Variants in KIAA1328 observed in about 807,000 individuals in gnomAD.
KIAA1328 encodes KIAA1328.
KIAA1328 carries 52 observed loss-of-function variants against 68.1 expected under a neutral mutation model. The ratio of observed to expected loss-of-function variants is 0.76; its 90% CI spans 0.61 to 0.96. KIAA1328 has a LOEUF of 0.96. KIAA1328 is among the 40% of genes least tolerant of loss of function. The probability of loss-of-function intolerance (pLI) is 0.00; values close to 1 mark genes in which losing one functional copy is unlikely to be tolerated. For synonymous variants in KIAA1328, 232 were observed against 239.4 expected (o/e 0.97, Z 0.28); for missense variants, 641 against 677.6 (o/e 0.95, Z 0.60).
intron 7 of KIAA1328, among the ~76,000 whole-genome samples, chr18:37,103,043 A>C (rs1568409320): frequency 6.6e-6 from 1 of 152,210 alleles, no homozygotes; most frequent in Non-Finnish European, 1.5e-5. Context: ...GAAGAACACA[A>C]ATAAATGGGA....
At chr18:37,045,697 A>G (rs542965925) in intron 6 of KIAA1328, among the ~76,000 whole-genome samples, 1 of 152,264 alleles carries the variant, frequency 6.6e-6, no homozygotes, top group South Asian at 2.1e-4. Flanking sequence ...ATACTTTACT[A>G]TTTCAGGCTT....
intron 6 of KIAA1328, among the ~76,000 whole-genome samples, chr18:36,988,915 A>G (rs766554307): frequency 1.2e-4 from 18 of 152,198 alleles, no homozygotes; most frequent in Non-Finnish European, 2.2e-4. Flanking sequence ...AATATACCTA[A>G]TACATTATCA....
At chr18:37,228,440 T>C (rs1049799429), downstream of KIAA1328, among the ~76,000 whole-genome samples, 20 of 152,102 alleles carry the variant, frequency 1.3e-4, no homozygotes, top group Admixed American at 3.9e-4. Flanking sequence ...TTTTAAGAAA[T>C]TGCTACAGCC....
chr18:37,116,298 G>A (rs542240512), intron 7 of KIAA1328, among the ~76,000 whole-genome samples: 2 of 152,250 alleles, frequency 1.3e-5, no homozygotes, highest in Admixed American at 1.3e-4. Context: ...GCATGGTACT[G>A]GTTCCAAAAC....
chr18:37,082,635 G>C (rs1490607436), intron 7 of KIAA1328, among the ~76,000 whole-genome samples: 1 of 152,164 alleles, frequency 6.6e-6, no homozygotes, highest in African/African-American at 2.4e-5. Context: ...CTTGGGACGA[G>C]CTTGTCATTT....
intron 6 of KIAA1328, among the ~76,000 whole-genome samples, chr18:36,981,604 T>G (rs1354604846): frequency 6.6e-6 from 1 of 152,118 alleles, no homozygotes; most frequent in East Asian, 1.9e-4. Context: ...CTTTGTTTTT[T>G]GAGATGGGAT....
At chr18:37,202,371 ATTGT>A (rs1286198399) in intron 9 of KIAA1328, among the ~76,000 whole-genome samples, 1 of 152,050 alleles carries the variant, frequency 6.6e-6, no homozygotes, top group African/African-American at 2.4e-5. Context: ...TGTTGTAGTT[ATTGT>A]TTGTTTGTTT....
chr18:37,171,205 GTGGTTT>G (rs2059492849), intron 8 of KIAA1328, among the ~76,000 whole-genome samples: 1 of 152,138 alleles, frequency 6.6e-6, no homozygotes, highest in African/African-American at 2.4e-5. Context: ...TGTGTTATCT[GTGGTTT>G]TGGTTTTGTT....
At chr18:37,027,629 A>G (rs1375892407) in intron 6 of KIAA1328, among the ~76,000 whole-genome samples, 4 of 152,204 alleles carry the variant, frequency 2.6e-5, no homozygotes, top group African/African-American at 7.2e-5. Context: ...AGGATTCCCT[A>G]TTTAACCAAT....
At chr18:36,893,388 C>G (rs1163000887) in intron 5 of KIAA1328, among the ~76,000 whole-genome samples, 2 of 151,712 alleles carry the variant, frequency 1.3e-5, no homozygotes, top group Admixed American at 1.3e-4. Flanking sequence ...CCATCTCAGC[C>G]ACCGTAGTCA....
chr18:37,167,547 C>T (rs1199600984), intron 8 of KIAA1328, among the ~76,000 whole-genome samples: 2 of 152,034 alleles, frequency 1.3e-5, no homozygotes, highest in Non-Finnish European at 2.9e-5. Context: ...AAATTCCCCT[C>T]GCTGTCTGCA....
chr18:37,056,087 C>G (rs150973999), intron 6 of KIAA1328, among the ~76,000 whole-genome samples: 1 of 152,282 alleles, frequency 6.6e-6, no homozygotes, highest in East Asian at 1.9e-4. Context: ...TAGAACATCA[C>G]TGTTTACTTG....
At chr18:37,002,543 T>C (rs1438153078) in intron 6 of KIAA1328, among the ~76,000 whole-genome samples, 1 of 151,834 alleles carries the variant, frequency 6.6e-6, no homozygotes, top group Non-Finnish European at 1.5e-5. Context: ...TCTAGTATAC[T>C]AGTATACTAG....
chr18:37,023,765 C>G (rs1229318152), intron 6 of KIAA1328, among the ~76,000 whole-genome samples: 2 of 152,104 alleles, frequency 1.3e-5, no homozygotes, highest in Admixed American at 1.3e-4. Flanking sequence ...CCCCCCATGA[C>G]AGTTGAACAT....
intron 5 of KIAA1328, 67 bp downstream of exon 5, chr18:36,885,739 C>A: frequency 1.9e-6 from 2 of 1,032,664 alleles, no homozygotes; most frequent in Non-Finnish European, 2.8e-6. Flanking sequence ...TTTTTTGAGA[C>A]GAAATCTCGC....
At chr18:36,939,429 TG>T (rs1186086135) in intron 5 of KIAA1328, among the ~76,000 whole-genome samples, 1 of 152,160 alleles carries the variant, frequency 6.6e-6, no homozygotes, top group Non-Finnish European at 1.5e-5. Flanking sequence ...TACTGATTTT[TG>T]TGTATTGGTT....
intron 7 of KIAA1328, among the ~76,000 whole-genome samples, chr18:37,131,902 A>G (rs1348209016): frequency 6.6e-6 from 1 of 152,232 alleles, no homozygotes; most frequent in Non-Finnish European, 1.5e-5. Flanking sequence ...GCCAGGGCAT[A>G]CATAGCCCAT....
At chr18:37,207,658 C>A (rs557512441) in intron 9 of KIAA1328, among the ~76,000 whole-genome samples, 1 of 152,264 alleles carries the variant, frequency 6.6e-6, no homozygotes, top group South Asian at 2.1e-4. Context: ...TAAAAATGTT[C>A]TTTTGGTGAG....
intron 6 of KIAA1328, among the ~76,000 whole-genome samples, chr18:37,065,778 A>G (rs1167349813): frequency 6.6e-6 from 1 of 152,188 alleles, no homozygotes; most frequent in Non-Finnish European, 1.5e-5. Flanking sequence ...CACATGCAAC[A>G]TTTACATTAA....
Sources: allele counts gnomAD v4.1 joint callset (sites outside exome capture counted in the v4.1 genomes callset), GRCh38; gene constraint gnomAD v4.1.1; transcripts MANE v1.5; gene names NCBI Gene and HGNC (gene_info 2026-07-23, HGNC 2026-07-21).